The following CAST variants were observed in gnomAD, a reference collection of about 807,000 sequenced individuals.
The protein encoded by CAST is MIR583 host.
CAST carries 76 observed loss-of-function variants against 119.6 expected under a neutral mutation model. The observed-to-expected ratio is 0.64, with a 90% CI of 0.53 to 0.77. The LOEUF (loss-of-function observed/expected upper bound fraction) is 0.77, where lower values mean the gene tolerates loss of function less well. Among genes scored for constraint, CAST ranks in the 30% least tolerant of loss-of-function variants. The pLI, the probability that CAST is intolerant of heterozygous loss-of-function variation, is 0.00. For synonymous variants in CAST, 319 were observed against 331.6 expected (o/e 0.96, Z 0.41); for missense variants, 953 against 946.5 (o/e 1.01, Z -0.09).
At chr5:96,184,477 A>G in the CAST span, among the ~76,000 whole-genome samples, 1 of 152,156 alleles carries the variant, frequency 6.6e-6, no homozygotes, top group Non-Finnish European at 1.5e-5. Flanking sequence ...GAAGCCCAGC[A>G]TGCATTAGCT....
At chr5:96,582,590 G>A (rs1460827987) in intron 1 of CAST, among the ~76,000 whole-genome samples, 2 of 152,212 alleles carry the variant, frequency 1.3e-5, no homozygotes, top group African/African-American at 2.4e-5. Context: ...TCAGGAAGGG[G>A]AGAATGGCAT....
intron 9 of CAST, among the ~76,000 whole-genome samples, chr5:96,734,553 G>A (rs1761249840): frequency 6.6e-6 from 1 of 152,200 alleles, no homozygotes; most frequent in East Asian, 1.9e-4. Context: ...ACAGAAGTGG[G>A]CAAAGACAAA....
At chr5:96,693,889 T>C (rs543420727) in intron 2 of CAST, among the ~76,000 whole-genome samples, 14 of 151,974 alleles carry the variant, frequency 9.2e-5, no homozygotes, top group African/African-American at 3.1e-4. Context: ...CCTTGGTTGA[T>C]GGTAGTAAGT....
intron 1 of CAST, among the ~76,000 whole-genome samples, chr5:96,636,138 C>A (rs1260189330): frequency 6.6e-6 from 1 of 152,216 alleles, no homozygotes; most frequent in African/African-American, 2.4e-5. Flanking sequence ...GTACTCCCCA[C>A]TGAGTTTGCT....
the CAST span, among the ~76,000 whole-genome samples, chr5:96,291,427 A>G: frequency 6.6e-6 from 1 of 152,178 alleles, no homozygotes; most frequent in Admixed American, 6.5e-5. Context: ...CTCAAGTTTC[A>G]TGGTCCTCCA....
At chr5:96,510,149 G>A in the CAST span, among the ~76,000 whole-genome samples, 1 of 152,176 alleles carries the variant, frequency 6.6e-6, no homozygotes, top group Non-Finnish European at 1.5e-5. Context: ...AGTCTTCTGG[G>A]AAGTCCAAGT....
At chr5:96,032,428 G>A in the CAST span, among the ~76,000 whole-genome samples, 1 of 152,122 alleles carries the variant, frequency 6.6e-6, no homozygotes, top group Non-Finnish European at 1.5e-5. Flanking sequence ...GAGGAGATTT[G>A]ATTTAAATCT....
chr5:96,027,894 T>C, the CAST span, among the ~76,000 whole-genome samples: 220 of 152,200 alleles, frequency 1.4e-3, 1 homozygote, highest in East Asian at 0.018. Flanking sequence ...TGTTAGAAGA[T>C]GGAGAAAATA....
chr5:95,997,070 T>C, the CAST span, among the ~76,000 whole-genome samples: 8 of 152,182 alleles, frequency 5.3e-5, no homozygotes, highest in Non-Finnish European at 1.0e-4. Context: ...GCAAACTTAA[T>C]AGTATTTTTC....
rs1745720950 is a variant in CAST at position 96,533,056 on chromosome 5, T to G, written c.60+3176T>G. Among the ~76,000 whole-genome samples, 3 of 146,390 alleles carry G rather than the reference T, an allele frequency of 2.0e-5. No individual in the cohort carries two copies. The South Asian group carries it at 6.5e-4, about 32-fold the overall frequency. On this transcript the variant is annotated intron_variant, in intron 1 of 11. Coordinates refer to the CAST transcript ENST00000505143. ...AAAAAAATAAAAATAAAAATAAAAA[T>G]AGAATCATCTTCTTGCCGACAAAAT...
At chr5:96,404,146 C>T in the CAST span, among the ~76,000 whole-genome samples, 2 of 152,170 alleles carry the variant, frequency 1.3e-5, no homozygotes, top group East Asian at 1.9e-4. Flanking sequence ...CAAGATACAC[C>T]TACTAACTAC....
chr5:96,336,706 T>G, the CAST span, among the ~76,000 whole-genome samples: 6 of 152,212 alleles, frequency 3.9e-5, no homozygotes, highest in Non-Finnish European at 7.4e-5. Flanking sequence ...CTTTTCCAGA[T>G]GTCTAATTCT....
chr5:96,029,074 T>C, the CAST span, among the ~76,000 whole-genome samples: 1 of 152,140 alleles, frequency 6.6e-6, no homozygotes, highest in Non-Finnish European at 1.5e-5. Context: ...ACCTACAATA[T>C]CTTCAGGATC....
chr5:96,200,529 A>G, the CAST span, among the ~76,000 whole-genome samples: 42 of 152,254 alleles, frequency 2.8e-4, no homozygotes, highest in African/African-American at 9.4e-4. Flanking sequence ...CTGGAACATC[A>G]TATGTGTTCA....
the CAST span, among the ~76,000 whole-genome samples, chr5:96,049,648 C>T: frequency 2.3e-3 from 354 of 151,916 alleles, no homozygotes; most frequent in African/African-American, 8.2e-3. Flanking sequence ...TCCAGGGTTA[C>T]TGGTGGAAGC....
the CAST span, among the ~76,000 whole-genome samples, chr5:96,408,859 T>C: frequency 6.6e-6 from 1 of 152,228 alleles, no homozygotes; most frequent in Admixed American, 6.5e-5. Flanking sequence ...CTAGATTTGA[T>C]ACCTGTGAGT....
chr5:96,529,729 C>T, upstream of CAST: 1 of 392,930 alleles, frequency 2.5e-6, no homozygotes, highest in South Asian at 1.9e-5. Context: ...CTGTGATATC[C>T]TTGTGATAGT....
At chr5:96,733,406 G>A (rs1760982061) in intron 9 of CAST, among the ~76,000 whole-genome samples, 1 of 152,150 alleles carries the variant, frequency 6.6e-6, no homozygotes, top group African/African-American at 2.4e-5. Flanking sequence ...CGCTAAAATA[G>A]ATTTTTAAAT....
intron 1 of CAST, among the ~76,000 whole-genome samples, chr5:96,636,471 T>C (rs1747887409): frequency 6.6e-6 from 1 of 152,100 alleles, no homozygotes; most frequent in African/African-American, 2.4e-5. Flanking sequence ...CCTTAAGATG[T>C]CCCATAAATT....
Sources: allele counts gnomAD v4.1 joint callset (sites outside exome capture counted in the v4.1 genomes callset), GRCh38; gene constraint gnomAD v4.1.1; transcripts MANE v1.5; gene names NCBI Gene and HGNC (gene_info 2026-07-23, HGNC 2026-07-21).